The following KCNMA1 variants were observed in gnomAD, a reference collection of about 807,000 sequenced individuals.
KCNMA1 encodes the protein potassium calcium-activated channel subfamily M alpha 1.
In KCNMA1, 29 loss-of-function variants were observed where a neutral mutation model predicts 140.0. The ratio of observed to expected loss-of-function variants is 0.21; its 90% CI spans 0.15 to 0.28. The LOEUF is 0.28. Ranked by LOEUF, KCNMA1 falls within the 10% of genes least tolerant of loss-of-function variation. The pLI is 1.00. For synonymous variants in KCNMA1, 612 were observed against 611.9 expected (o/e 1.00, Z 0.00); for missense variants, 880 against 1,602.2 (o/e 0.55, Z 7.70).
chr10:77,288,954 G>A (rs150062689), intron 2 of KCNMA1, among the ~76,000 whole-genome samples: 2 of 152,324 alleles, frequency 1.3e-5, no homozygotes, highest in East Asian at 1.9e-4. Context: ...AATGTGGTTG[G>A]TTCCACCTCA....
At chr10:77,491,750 CACA>C (rs1567135749) in intron 1 of KCNMA1, among the ~76,000 whole-genome samples, 23 of 148,588 alleles carry the variant, frequency 1.5e-4, no homozygotes, top group East Asian at 7.8e-4. Flanking sequence ...CACACACACA[CACA>C]CCCTACATAT....
chr10:77,619,053 G>A (rs1487646070), intron 1 of KCNMA1, among the ~76,000 whole-genome samples: 2 of 152,230 alleles, frequency 1.3e-5, no homozygotes, highest in Non-Finnish European at 2.9e-5. Flanking sequence ...AAAGAGGGCA[G>A]GAGCTGGACC....
intron 3 of KCNMA1, among the ~76,000 whole-genome samples, chr10:77,199,399 C>T (rs993096677): frequency 1.3e-5 from 2 of 152,140 alleles, no homozygotes; most frequent in African/African-American, 4.8e-5. Context: ...GCAAGAGCAG[C>T]TTGTTTAAAA....
chr10:77,542,382 C>A (rs1238579844), intron 1 of KCNMA1, among the ~76,000 whole-genome samples: 1 of 152,190 alleles, frequency 6.6e-6, no homozygotes, highest in East Asian at 1.9e-4. Flanking sequence ...TGTGCTAACA[C>A]CCCCTCCCTG....
At chr10:77,376,984 C>CATACATACATACATACATAA (rs1209614188) in intron 2 of KCNMA1, among the ~76,000 whole-genome samples, 1 of 151,980 alleles carries the variant, frequency 6.6e-6, no homozygotes, top group African/African-American at 2.4e-5. Flanking sequence ...TACATACATA[C>CATACATACATACATACATAA]ATAAAAATGA....
chr10:77,092,808 A>C (rs1463712001), intron 9 of KCNMA1, among the ~76,000 whole-genome samples: 1 of 152,188 alleles, frequency 6.6e-6, no homozygotes, highest in African/African-American at 2.4e-5. Context: ...CCAGCATGCA[A>C]AGAACTGAAT....
intron 1 of KCNMA1, among the ~76,000 whole-genome samples, chr10:77,436,753 C>A (rs1403989287): frequency 6.6e-6 from 1 of 152,150 alleles, no homozygotes; most frequent in Non-Finnish European, 1.5e-5. Context: ...CTAAAACATA[C>A]CCCTCTGGCA....
At chr10:77,590,268 G>A (rs937775997) in intron 1 of KCNMA1, among the ~76,000 whole-genome samples, 4 of 152,252 alleles carry the variant, frequency 2.6e-5, no homozygotes, top group East Asian at 1.9e-4. Flanking sequence ...TGCCAGTCCC[G>A]CGCCGTGCGC....
chr10:76,990,979 G>A (rs999581872), intron 19 of KCNMA1, among the ~76,000 whole-genome samples: 2 of 152,154 alleles, frequency 1.3e-5, no homozygotes, highest in African/African-American at 4.8e-5. Context: ...ATACCTCCAC[G>A]CGGGAGGAAT....
intron 25 of KCNMA1, among the ~76,000 whole-genome samples, chr10:76,908,434 T>C (rs1451318251): frequency 6.6e-6 from 1 of 152,242 alleles, no homozygotes; most frequent in Non-Finnish European, 1.5e-5. Flanking sequence ...CAGACGAATG[T>C]CATTTCACAG....
chr10:76,899,089 C>T (rs16933994), intron 25 of KCNMA1, among the ~76,000 whole-genome samples: 7,121 of 152,006 alleles, frequency 0.047, 228 homozygotes, highest in Middle Eastern at 0.14. Context: ...ATAAGAATCG[C>T]TACTGTTTTT....
At chr10:77,028,077 T>C (rs957606283) in intron 15 of KCNMA1, among the ~76,000 whole-genome samples, 186 bp from the exon 16 acceptor site, 11 of 152,150 alleles carry the variant, frequency 7.2e-5, no homozygotes, top group African/African-American at 2.7e-4. Context: ...AAACCTGATT[T>C]CTTGCAAGTG....
At chr10:77,576,148 T>G (rs1226933050) in intron 1 of KCNMA1, among the ~76,000 whole-genome samples, 1 of 152,212 alleles carries the variant, frequency 6.6e-6, no homozygotes, top group South Asian at 2.1e-4. Flanking sequence ...CCTGTGCTGC[T>G]GATCCTCTAA....
chr10:77,005,384 C>T (rs753763307), intron 18 of KCNMA1, among the ~76,000 whole-genome samples: 5 of 152,170 alleles, frequency 3.3e-5, no homozygotes, highest in Non-Finnish European at 5.9e-5. Flanking sequence ...CAGCTGACTG[C>T]GTCTCCTTTT....
At position 76,885,096 on chromosome 10, in the gene KCNMA1, C is replaced by T. The variant is rs202219713; in HGVS notation, c.*2170G>A. The T allele has an allele frequency of 7.8e-6, 12 of 1,534,526 alleles. No individual in the cohort carries two copies. In the East Asian group the frequency reaches 1.7e-4, roughly 22 times the overall value. ...ATTTCCTGTTGAGCACTTTAACTGG[C>T]ACATTCTTATAGTTATAAATGTTCT... On this transcript the variant is annotated 3_prime_UTR_variant, in exon 28 of 28. Coordinates refer to ENST00000286628, the MANE Select transcript of KCNMA1 (RefSeq NM_001161352.2).
intron 1 of KCNMA1, among the ~76,000 whole-genome samples, chr10:77,517,484 C>T (rs1307887754): frequency 1.3e-5 from 2 of 152,174 alleles, no homozygotes; most frequent in Non-Finnish European, 1.5e-5. Flanking sequence ...TTACCAGCTC[C>T]ATGGTTAATG....
At chr10:77,130,720 G>A (rs909805969) in intron 5 of KCNMA1, among the ~76,000 whole-genome samples, 3 of 152,120 alleles carry the variant, frequency 2.0e-5, no homozygotes, top group African/African-American at 2.4e-5. Flanking sequence ...AAGAATGGAA[G>A]AGGAGATTAC....
At chr10:77,037,081 C>G (rs1410073185) in intron 15 of KCNMA1, among the ~76,000 whole-genome samples, 1 of 152,142 alleles carries the variant, frequency 6.6e-6, no homozygotes, top group Non-Finnish European at 1.5e-5. Context: ...AACAATTTGT[C>G]TCCTTCTTGG....
chr10:77,075,499 T>A (rs977628894), intron 13 of KCNMA1, among the ~76,000 whole-genome samples: 2 of 152,146 alleles, frequency 1.3e-5, no homozygotes, highest in Non-Finnish European at 1.5e-5. Flanking sequence ...AGCAAAACCT[T>A]TCAGAGAAAG....
Sources: gnomAD v4.1 joint callset for allele counts (sites outside exome capture counted in the v4.1 genomes callset) on GRCh38, gnomAD v4.1.1 for gene constraint, MANE v1.5 for transcripts, NCBI Gene and HGNC (gene_info 2026-07-23, HGNC 2026-07-21) for gene names.